Variants in RCBTB1 observed in about 807,000 individuals in gnomAD.
The protein encoded by RCBTB1 is RCC1 and BTB domain containing protein 1.
A neutral mutation model predicts 62.4 loss-of-function variants in RCBTB1; 46 were observed. The observed-to-expected ratio is 0.74, with a 90% confidence interval of 0.58 to 0.94. The LOEUF (loss-of-function observed/expected upper bound fraction) is 0.94, where lower values mean the gene tolerates loss of function less well. RCBTB1 is among the 40% of genes least tolerant of loss of function. The pLI, the probability that RCBTB1 is intolerant of heterozygous loss-of-function variation, is 0.00. For synonymous variants in RCBTB1, 222 were observed against 245.8 expected, an observed-to-expected ratio of 0.90 and a Z score of 0.91; for missense variants, 565 against 654.9, an observed-to-expected ratio of 0.86 and a Z score of 1.50.
rs1447818878 is a variant in RCBTB1 at position 49,567,182 on chromosome 13, T to C, written c.98A>G (p.Glu33Gly). ...KACVFGTSAS[E>G]ALYVTDNDEV... ...ATCATTGTCAGTAACGTACAGTGCT[T>C]CACTGGCTGAGGTGCCGAAGACACA... is the stretch of plus-strand genomic sequence containing the variant. Residue 33 changes from glutamate (E) to glycine (G), a missense_variant, in exon 3 of 13, where the codon GAA (glutamate) becomes GGA (glycine). Transcript: ENST00000378302. 6.2e-7 allele frequency: 1 copy of C among 1,614,108 alleles called. No individual in the cohort carries two copies.
intron 12 of RCBTB1, among the ~76,000 whole-genome samples, chr13:49,537,266 T>C (rs1960011362): frequency 6.6e-6 from 1 of 152,242 alleles, no homozygotes; most frequent in Admixed American, 6.5e-5. Context: ...ATAATTCATG[T>C]TATAGCACAT....
At chr13:49,549,723 A>C in intron 8 of RCBTB1, 75 bp from the exon 9 acceptor site, 1 of 1,505,582 alleles carries the variant, frequency 6.6e-7, no homozygotes, top group East Asian at 2.4e-5. Context: ...AGGCAATTTA[A>C]AAGTTCATGC....
chr13:49,566,258 A>T (rs61257060), intron 4 of RCBTB1, among the ~76,000 whole-genome samples: 36,330 of 150,358 alleles, frequency 0.24, 5,725 homozygotes, highest in African/African-American at 0.44. Flanking sequence ...AATGATCAAT[A>T]AAAAAATAAA....
chr13:49,566,519 T>C, intron 4 of RCBTB1, 99 bp downstream of exon 4: 1 of 1,161,264 alleles, frequency 8.6e-7, no homozygotes, highest in South Asian at 1.8e-5. Context: ...AAGCAAACAA[T>C]CCAAAATCAG....
At chr13:49,567,046 G>T in intron 3 of RCBTB1, 108 bp downstream of exon 3, 1 of 1,049,116 alleles carries the variant, frequency 9.5e-7, no homozygotes, top group Non-Finnish European at 1.4e-6. Context: ...CTGAACTTCA[G>T]GATCTCTTTA....
At chr13:49,581,251 A>T (rs1484247684) in intron 1 of RCBTB1, among the ~76,000 whole-genome samples, 2 of 152,182 alleles carry the variant, frequency 1.3e-5, no homozygotes, top group African/African-American at 4.8e-5. Context: ...CCAGAAAAGA[A>T]GGGATTGAAG....
At chr13:49,565,543 C>A in intron 4 of RCBTB1, among the ~76,000 whole-genome samples, 1 of 131,254 alleles carries the variant, frequency 7.6e-6, no homozygotes, top group Admixed American at 7.6e-5. Context: ...CGCCTCTTCC[C>A]GGCCGCCACC....
intron 2 of RCBTB1, among the ~76,000 whole-genome samples, chr13:49,571,128 C>T (rs958864802): frequency 5.9e-5 from 9 of 152,162 alleles, no homozygotes; most frequent in Non-Finnish European, 1.2e-4. Context: ...GGGCGGACCA[C>T]CTGAGGTGGG....
intron 2 of RCBTB1, among the ~76,000 whole-genome samples, chr13:49,570,905 A>C (rs1963353806): frequency 6.6e-6 from 1 of 152,176 alleles, no homozygotes; most frequent in South Asian, 2.1e-4. Flanking sequence ...AGACCCCTCT[A>C]ATTTTTCTTA....
chr13:49,545,229 A>G (rs902273316), intron 9 of RCBTB1, among the ~76,000 whole-genome samples: 7 of 152,142 alleles, frequency 4.6e-5, no homozygotes, highest in Admixed American at 4.6e-4. Context: ...CCTTGACTGA[A>G]ACACTAAGAA....
At chr13:49,584,825 G>A (rs1964303135) in intron 1 of RCBTB1, among the ~76,000 whole-genome samples, 1 of 152,158 alleles carries the variant, frequency 6.6e-6, no homozygotes, top group African/African-American at 2.4e-5. Flanking sequence ...CCACTTATGC[G>A]AGCAGAACAC....
At chr13:49,551,264 C>T in intron 8 of RCBTB1, 62 bp downstream of exon 8, 5 of 1,580,452 alleles carry the variant, frequency 3.2e-6, no homozygotes, top group Non-Finnish European at 2.6e-6. Flanking sequence ...CACAGCTCTG[C>T]CACACACAGC....
intron 12 of RCBTB1, among the ~76,000 whole-genome samples, chr13:49,535,362 T>C (rs116109410): frequency 1.1e-3 from 161 of 152,264 alleles, no homozygotes; most frequent in African/African-American, 3.7e-3. Context: ...ATTAAATCGA[T>C]TAGGCACCTG....
At chr13:49,563,610 G>T (rs751122118) in intron 4 of RCBTB1, among the ~76,000 whole-genome samples, 1 of 152,174 alleles carries the variant, frequency 6.6e-6, no homozygotes, top group Non-Finnish European at 1.5e-5. Context: ...AGTGAGCTGA[G>T]ATCGTGCCAC....
intron 4 of RCBTB1, among the ~76,000 whole-genome samples, chr13:49,564,878 G>A (rs9596152): frequency 0.24 from 36,576 of 151,362 alleles, 5,631 homozygotes; most frequent in African/African-American, 0.44. Context: ...GCGACAGAGA[G>A]AGACTCCGTC....
At chr13:49,566,500 G>T (rs1157487987) in intron 4 of RCBTB1, 118 bp downstream of exon 4, 2 of 1,002,686 alleles carry the variant, frequency 2.0e-6, no homozygotes, top group Non-Finnish European at 2.9e-6. Flanking sequence ...CTTCCTCTCA[G>T]AAATTAAGAA....
At chr13:49,552,955 G>A (rs985764632) in intron 6 of RCBTB1, among the ~76,000 whole-genome samples, 2 of 152,124 alleles carry the variant, frequency 1.3e-5, no homozygotes, top group Admixed American at 1.3e-4. Flanking sequence ...AGGCCAGCGT[G>A]GGCAGATCAC....
At chr13:49,552,454 A>C (rs1961456350) in intron 6 of RCBTB1, among the ~76,000 whole-genome samples, 169 bp from the exon 7 acceptor site, 1 of 152,200 alleles carries the variant, frequency 6.6e-6, no homozygotes, top group Admixed American at 6.5e-5. Context: ...AGGGGATGAC[A>C]GAATTGGCAT....
chr13:49,583,435 A>G (rs897156567), intron 1 of RCBTB1, among the ~76,000 whole-genome samples: 1 of 151,950 alleles, frequency 6.6e-6, no homozygotes, highest in Non-Finnish European at 1.5e-5. Context: ...TCTAACACAC[A>G]GTTGACTTAT....
Sources: allele counts gnomAD v4.1 joint callset (sites outside exome capture counted in the v4.1 genomes callset), GRCh38; gene constraint gnomAD v4.1.1; transcripts MANE v1.5; gene names NCBI Gene and HGNC (gene_info 2026-07-23, HGNC 2026-07-21).